Variants in AIDA observed in about 807,000 individuals in gnomAD.
AIDA encodes the protein axin interactor, dorsalization associated, also known as axin interactor, dorsalization-associated protein.
Under a neutral mutation model 42.7 loss-of-function variants are expected in AIDA, and 18 were observed. The observed-to-expected ratio is 0.42, with a 90% CI of 0.29 to 0.63. The LOEUF (loss-of-function observed/expected upper bound fraction) is 0.63. AIDA is among the 20% of genes least tolerant of loss of function. AIDA has a pLI of 0.19. For synonymous variants in AIDA, 104 were observed against 122.9 expected, an observed-to-expected ratio of 0.85 and a Z score of 1.02; for missense variants, 250 against 354.1, an observed-to-expected ratio of 0.71 and a Z score of 2.36.
chr1:222,671,763 C>T (rs939283949), intron 8 of AIDA, among the ~76,000 whole-genome samples: 1 of 152,190 alleles, frequency 6.6e-6, no homozygotes, highest in Admixed American at 6.5e-5. Context: ...ATGGTGGCTT[C>T]TCTTCTCCCT....
rs1655212478 is a variant in AIDA at position 222,686,988 on chromosome 1, ATCT to A, written c.399_401del (p.Glu133del). 6.2e-7 allele frequency: 1 copy of A among 1,613,724 alleles called. No individual in the cohort carries two copies. Among genetic ancestry groups the A allele is most frequent in the Non-Finnish European group, 8.5e-7 (1 of 1,179,962 alleles). Reference sequence around the variant, plus strand: ...CTGCTCCAGCACCACCCTCTTCTTCATCTTCTTCAAATTCCAAATTCTCTTCTT... The same window carrying A: ...CTGCTCCAGCACCACCCTCTTCTTCATCTTCAAATTCCAAATTCTCTTCTT... On this transcript the variant is annotated inframe_deletion, in exon 6 of 10. Transcript: ENST00000340020.
At chr1:222,687,195 C>G in intron 5 of AIDA, 159 bp from the exon 6 acceptor site, 1 of 717,114 alleles carries the variant, frequency 1.4e-6, no homozygotes, top group Non-Finnish European at 1.7e-6. Context: ...TTTTGGAGGC[C>G]GAGGCGGGCA....
intron 2 of AIDA, among the ~76,000 whole-genome samples, chr1:222,695,392 T>C (rs1655490653): frequency 6.6e-6 from 1 of 152,210 alleles, no homozygotes; most frequent in Admixed American, 6.5e-5. Flanking sequence ...CTGGGAAGGC[T>C]GAGGCGGGAG....
chr1:222,694,272 G>A lies in AIDA; in HGVS notation c.181-9C>T, dbSNP rs201779576. The A allele has an allele frequency of 2.2e-5, 36 of 1,606,680 alleles. No individual in the cohort carries two copies. In the East Asian group the frequency reaches 2.2e-4, roughly 10 times the overall value. ...ATTTTGCCTATGGTTTTCTGCAGGG[G>A]AATAAAAAAAGCTATAAATACCAGA... On this transcript the variant is annotated splice_polypyrimidine_tract_variant and intron_variant, in intron 2 of 9. Transcript: ENST00000340020.
chr1:222,694,642 G>T (rs1002096773), intron 2 of AIDA, among the ~76,000 whole-genome samples: 2 of 152,114 alleles, frequency 1.3e-5, no homozygotes, highest in Non-Finnish European at 2.9e-5. Context: ...TAGCACAATG[G>T]TATAATTAAT....
Position 222,701,232 on chromosome 1 carries a change from A to G in AIDA, c.180+1916T>C, listed in dbSNP as rs1046315542. ...CCCAACTCGACCTCCCAAAGTGCTA[A>G]GATTACAGGCATGTGGCACCATGCC... On this transcript the variant is annotated intron_variant, in intron 2 of 9. Transcript: ENST00000340020. 3.9e-5 allele frequency among the ~76,000 whole-genome samples: 6 copies of G among 152,104 alleles called. No homozygotes were observed. In the East Asian group the frequency reaches 9.6e-4, roughly 24 times the overall value.
At chr1:222,690,822 C>G (rs1453351624) in intron 4 of AIDA, among the ~76,000 whole-genome samples, 1 of 152,082 alleles carries the variant, frequency 6.6e-6, no homozygotes, top group Non-Finnish European at 1.5e-5. Flanking sequence ...AACTCTGAGG[C>G]TGGTGTCTAG....
intron 2 of AIDA, among the ~76,000 whole-genome samples, chr1:222,700,034 A>G (rs918304004): frequency 2.6e-5 from 4 of 152,198 alleles, no homozygotes; most frequent in Non-Finnish European, 5.9e-5. Context: ...CTAGGATTAC[A>G]GGCGTGAGCC....
intron 2 of AIDA, among the ~76,000 whole-genome samples, chr1:222,694,655 A>G (rs1308655120): frequency 1.6e-4 from 25 of 152,234 alleles, no homozygotes; most frequent in Non-Finnish European, 2.9e-5. Flanking sequence ...TAATTAATTT[A>G]ATTCTGACTT....
At chr1:222,700,680 G>A (rs1199925404) in intron 2 of AIDA, among the ~76,000 whole-genome samples, 12 of 151,684 alleles carry the variant, frequency 7.9e-5, no homozygotes, top group Admixed American at 5.3e-4. Context: ...GCGTGAACCC[G>A]GGAGGCGGAG....
intron 2 of AIDA, among the ~76,000 whole-genome samples, chr1:222,701,415 A>G (rs183866402): frequency 1.1e-4 from 17 of 152,292 alleles, no homozygotes; most frequent in Admixed American, 2.0e-4. Flanking sequence ...AACATTTTTT[A>G]ATTCCTTAAG....
At chr1:222,707,757 C>T (rs1370060719) in intron 1 of AIDA, among the ~76,000 whole-genome samples, 1 of 152,176 alleles carries the variant, frequency 6.6e-6, no homozygotes, top group African/African-American at 2.4e-5. Context: ...TCCTGGAAAC[C>T]CCACAGCATT....
intron 8 of AIDA, among the ~76,000 whole-genome samples, chr1:222,671,593 G>A (rs1243216391): frequency 6.6e-6 from 1 of 152,168 alleles, no homozygotes; most frequent in African/African-American, 2.4e-5. Context: ...CACATGGCAA[G>A]GGAGGAAAAA....
intron 6 of AIDA, among the ~76,000 whole-genome samples, chr1:222,676,691 T>C (rs1030398613): frequency 6.8e-6 from 1 of 148,000 alleles, no homozygotes; most frequent in East Asian, 1.9e-4. Context: ...TGTCTCACTC[T>C]GTCACCCAGG....
In AIDA at chr1:222,669,932, T is replaced by C. The variant is rs779351992; in HGVS notation, c.882A>G (p.Pro294=). The part of the protein sequence containing the change: ...RKKLQLLTKK[P]LYLHLHQTLH... The stretch of plus-strand genomic sequence containing the variant: ...AAGTTTGATGTAGATGAAGATAAAG[T>C]GGTTTCTTGGTCAATAATTGCAATT... Residue 294 remains proline (P), a synonymous_variant, in exon 10 of 10, where the codon CCA becomes CCG. Transcript: ENST00000340020. 20 of 1,612,924 alleles carry C rather than the reference T, an allele frequency of 1.2e-5. No individual in the cohort carries two copies. Among genetic ancestry groups the C allele is most frequent in the Non-Finnish European group, 1.7e-5 (20 of 1,179,846 alleles).
At chr1:222,705,244 C>T (rs1655808439) in intron 1 of AIDA, among the ~76,000 whole-genome samples, 1 of 152,198 alleles carries the variant, frequency 6.6e-6, no homozygotes, top group South Asian at 2.1e-4. Flanking sequence ...CATAGACTCA[C>T]TTTTTGTGGA....
intron 8 of AIDA, 59 bp from the exon 9 acceptor site, chr1:222,670,309 A>T (rs1664423105): frequency 2.2e-6 from 3 of 1,390,948 alleles, no homozygotes; most frequent in Non-Finnish European, 3.0e-6. Flanking sequence ...TGTGTCAATT[A>T]ATTTTCTTTG....
chr1:222,706,322 A>T (rs1655836549), intron 1 of AIDA, among the ~76,000 whole-genome samples: 1 of 152,178 alleles, frequency 6.6e-6, no homozygotes, highest in African/African-American at 2.4e-5. Flanking sequence ...ACTCCTAGGC[A>T]TCTACCCAAG....
chr1:222,678,110 G>A (rs1386121932), intron 6 of AIDA, among the ~76,000 whole-genome samples: 1 of 151,760 alleles, frequency 6.6e-6, no homozygotes, highest in East Asian at 1.9e-4. Flanking sequence ...TCAGCAACAG[G>A]GAACTGCCAT....
Sources: allele counts gnomAD v4.1 joint callset (sites outside exome capture counted in the v4.1 genomes callset), GRCh38; gene constraint gnomAD v4.1.1; transcripts MANE v1.5; gene names NCBI Gene and HGNC (gene_info 2026-07-23, HGNC 2026-07-21).